The following BCL2L14 variants were observed in gnomAD, a reference collection of about 807,000 sequenced individuals.
BCL2L14 encodes the protein apoptosis facilitator Bcl-2-like protein 14.
In BCL2L14, 27 loss-of-function variants were observed where a neutral mutation model predicts 35.3. The observed-to-expected ratio is 0.76, with a 90% CI of 0.56 to 1.05. The LOEUF (loss-of-function observed/expected upper bound fraction) is 1.05. BCL2L14 is among the 50% of genes least tolerant of loss of function. The pLI, the probability that BCL2L14 is intolerant of heterozygous loss-of-function variation, is 0.00. For missense variants in BCL2L14, 377 were observed against 382.6 expected (o/e 0.99, Z 0.12); for synonymous variants, 139 against 145.9 (o/e 0.95, Z 0.34).
At chr12:12,088,188 A>G (rs1949089933) in intron 3 of BCL2L14, among the ~76,000 whole-genome samples, 1 of 152,148 alleles carries the variant, frequency 6.6e-6, no homozygotes, top group Non-Finnish European at 1.5e-5. Context: ...GAGAAAGGAG[A>G]ACAGCTCTCT....
In BCL2L14 at chr12:12,086,830, G is replaced by C. The variant is rs1949053443; in HGVS notation, c.434-383G>C. Among the ~76,000 whole-genome samples, 3 of 152,212 alleles carry C rather than the reference G, an allele frequency of 2.0e-5. 1 individual carries two copies. The South Asian group carries it at 6.2e-4, about 31-fold the overall frequency. On this transcript the variant is annotated intron_variant, in intron 2 of 5. Transcript: ENST00000308721. ...CTATGCATGTAGGGGCTGGCTCTTA[G>C]AGGTATAAAGCATGTCGAGAAAAAA...
At chr12:12,059,524 A>G (rs1209010572) in intron 2 of BCL2L14, among the ~76,000 whole-genome samples, 2 of 150,472 alleles carry the variant, frequency 1.3e-5, no homozygotes, top group East Asian at 4.0e-4. Flanking sequence ...CCAACCTCTT[A>G]TATCTCTGCA....
At chr12:12,055,622 TCTC>T (rs1258092890) in intron 2 of BCL2L14, 1 of 152,094 alleles carries the variant, frequency 6.6e-6, no homozygotes, top group Non-Finnish European at 1.5e-5. Context: ...ACCTGTGCAC[TCTC>T]CTCATAGGCA....
chr12:12,050,562 G>A (rs1456026523), intron 1 of BCL2L14, among the ~76,000 whole-genome samples: 2 of 151,700 alleles, frequency 1.3e-5, no homozygotes, highest in East Asian at 3.9e-4. Context: ...AAACAGAAAG[G>A]TTTTAGCCAG....
chr12:12,089,903 C>T (rs1289779122), intron 3 of BCL2L14, among the ~76,000 whole-genome samples: 1 of 152,038 alleles, frequency 6.6e-6, no homozygotes, highest in Non-Finnish European at 1.5e-5. Context: ...AAAAAGAAAA[C>T]AAAAACAGGA....
In BCL2L14 at chr12:12,079,512, G is replaced by A. The variant is rs61733247; in HGVS notation, c.207G>A (p.Glu69=). ...GTTCAGCAAATGAGTCATGGACAGA[G>A]GTGTCATGGCCTTGCAGAAATTCCC... ...GNCSANESWT[E]VSWPCRNSQS... The change falls in exon 2 of 6, where the codon GAG becomes GAA. Residue 69 remains glutamate, a synonymous_variant. Transcript: ENST00000308721. 1.3e-3 allele frequency: 2,063 copies of A among 1,614,200 alleles called. 25 individuals are homozygous for A. In the African/African-American group the frequency reaches 0.025, roughly 20 times the overall value.
upstream of BCL2L14, among the ~76,000 whole-genome samples, chr12:12,070,297 T>C (rs1320412981): frequency 2.0e-5 from 3 of 152,210 alleles, no homozygotes; most frequent in Non-Finnish European, 4.4e-5. Flanking sequence ...GCTCAACTGA[T>C]AGGGATCCGT....
intron 2 of BCL2L14, among the ~76,000 whole-genome samples, chr12:12,059,869 A>G (rs899913289): frequency 1.3e-5 from 2 of 152,180 alleles, no homozygotes; most frequent in African/African-American, 4.8e-5. Context: ...TACAAGATCT[A>G]AATAATGCTT....
At position 12,094,526 on chromosome 12, in the gene BCL2L14, C is replaced by T. The variant is rs200229629; in HGVS notation, c.679-138C>T. 1.1e-5 allele frequency: 18 copies of T among 1,614,212 alleles called. No individual in the cohort carries two copies. The East Asian group carries it at 2.9e-4, about 26-fold the overall frequency. On this transcript the variant is annotated intron_variant, in intron 4 of 5. Transcript: ENST00000308721. ...GGTTCTGCAGGACACTGCCTTCATCCCCATTCCCTTGGTTGACACCAGCAT... is the reference window on the plus strand; with the variant it reads ...GGTTCTGCAGGACACTGCCTTCATCTCCATTCCCTTGGTTGACACCAGCAT...
intron 3 of BCL2L14, among the ~76,000 whole-genome samples, chr12:12,089,226 A>C (rs899184775): frequency 6.6e-6 from 1 of 151,710 alleles, no homozygotes; most frequent in African/African-American, 2.4e-5. Flanking sequence ...AAAATTAGCC[A>C]GGCATAGTGG....
At chr12:12,053,779 C>G (rs900038985) in intron 2 of BCL2L14, among the ~76,000 whole-genome samples, 11 of 152,262 alleles carry the variant, frequency 7.2e-5, no homozygotes, top group Non-Finnish European at 7.4e-5. Flanking sequence ...TCCTTGGAAG[C>G]CACTGCATAC....
rs977560761 is a variant in BCL2L14, at chr12:12,094,800, C to G, written c.815C>G (p.Ala272Gly). Residue 272 changes from alanine (A) to glycine (G), a missense_variant, in exon 5 of 6, where the codon GCT becomes GGT. Physicochemically the swap from Ala to Gly is moderately conservative, Grantham distance 60. Coordinates refer to ENST00000308721, the MANE Select transcript of BCL2L14 (RefSeq NM_138723.2). The stretch of plus-strand genomic sequence containing the variant: ...GAGGTCAAAGCTCAGGGCTTTAAGG[C>G]TGCCCTTGTAATAGACGTCACGGCC... ...ESEVKAQGFKAALVIDVTAKL... is the reference protein window; with the variant it reads ...ESEVKAQGFKGALVIDVTAKL... 1.6e-5 allele frequency: 26 copies of G among 1,614,218 alleles called. No homozygotes were observed. The highest frequency in any genetic ancestry group is 2.2e-5 in the Non-Finnish European group (26 of 1,180,036).
chr12:12,089,711 GT>G (rs1376700390), intron 3 of BCL2L14, among the ~76,000 whole-genome samples: 1 of 152,098 alleles, frequency 6.6e-6, no homozygotes, highest in African/African-American at 2.4e-5. Flanking sequence ...ACTGCACCCT[GT>G]CCCCCCAACA....
intron 2 of BCL2L14, among the ~76,000 whole-genome samples, chr12:12,062,922 C>T (rs1948546750): frequency 1.3e-5 from 2 of 152,178 alleles, no homozygotes; most frequent in Admixed American, 1.3e-4. Flanking sequence ...AAAAACACAC[C>T]TCACCAAGCT....
intron 2 of BCL2L14, among the ~76,000 whole-genome samples, chr12:12,058,534 T>C (rs1306489643): frequency 2.0e-5 from 3 of 152,264 alleles, no homozygotes; most frequent in African/African-American, 7.2e-5. Context: ...GACATTGTCT[T>C]GTGAAATTCC....
chr12:12,096,168 C>T (rs944917899), intron 5 of BCL2L14: 1 of 980,256 alleles, frequency 1.0e-6, no homozygotes, highest in Non-Finnish European at 1.2e-6. Context: ...AAAAGATGAT[C>T]AAATTCCCAA....
rs1949172826 is a variant in BCL2L14 at position 12,090,858 on chromosome 12, C to G, written c.678+9C>G. Reference sequence around the variant, plus strand: ...ATCAGTTGGAAAGAAAGGTATGGAACACCTTGAACTGATGCGATTGATTTC... The same window carrying G: ...ATCAGTTGGAAAGAAAGGTATGGAAGACCTTGAACTGATGCGATTGATTTC... On this transcript the variant is annotated intron_variant, in intron 4 of 5. Transcript: ENST00000308721. 2.5e-6 allele frequency: 4 copies of G among 1,601,736 alleles called. No individual in the cohort carries two copies. The highest frequency in any genetic ancestry group is 2.6e-6 in the Non-Finnish European group (3 of 1,171,972).
chr12:12,058,606 GCCCGCCAGAGAA>G (rs978526092), intron 2 of BCL2L14, among the ~76,000 whole-genome samples: 21 of 149,806 alleles, frequency 1.4e-4, no homozygotes, highest in Admixed American at 1.3e-3. Flanking sequence ...CCCCACTCCT[GCCCGCCAGAGAA>G]CCCCCCTTTT....
chr12:12,086,351 C>T (rs1416289006), intron 2 of BCL2L14, among the ~76,000 whole-genome samples: 3 of 152,118 alleles, frequency 2.0e-5, no homozygotes, highest in Non-Finnish European at 4.4e-5. Context: ...AAGGTTAGAA[C>T]TTAGTGACAA....
Sources: allele counts gnomAD v4.1 joint callset (sites outside exome capture counted in the v4.1 genomes callset), GRCh38; gene constraint gnomAD v4.1.1; transcripts MANE v1.5; gene names NCBI Gene and HGNC (gene_info 2026-07-23, HGNC 2026-07-21).